NIPSNAP2: variants seen among roughly 807,000 people sequenced by gnomAD.
NIPSNAP2 encodes the protein protein NipSnap homolog 2.
NIPSNAP2 carries 42 observed loss-of-function variants against 48.4 expected under a neutral mutation model. The ratio of observed to expected loss-of-function variants is 0.87; its 90% CI spans 0.68 to 1.12. NIPSNAP2 has a LOEUF of 1.12. Ranked by LOEUF, NIPSNAP2 falls within the 50% of genes most tolerant of loss-of-function variation. The pLI, the probability that NIPSNAP2 is intolerant of heterozygous loss-of-function variation, is 0.00. For missense variants in NIPSNAP2, 314 were observed against 347.3 expected, an observed-to-expected ratio of 0.90 and a Z score of 0.76; for synonymous variants, 158 against 126.6, an observed-to-expected ratio of 1.25 and a Z score of -1.67.
intron 1 of NIPSNAP2, among the ~76,000 whole-genome samples, chr7:55,969,937 C>T (rs1786983301): frequency 6.7e-6 from 1 of 150,108 alleles, no homozygotes; most frequent in Non-Finnish European, 1.5e-5. Context: ...GAGCCGAGAT[C>T]CCACCACTGC....
intron 5 of NIPSNAP2, among the ~76,000 whole-genome samples, chr7:55,982,796 T>A (rs1787244502): frequency 6.6e-6 from 1 of 150,674 alleles, no homozygotes; most frequent in Non-Finnish European, 1.5e-5. Context: ...TAAAAGTCAA[T>A]TATGCTTTGA....
intron 1 of NIPSNAP2, among the ~76,000 whole-genome samples, chr7:55,977,473 T>G (rs1322234888): frequency 6.6e-6 from 1 of 152,206 alleles, no homozygotes; most frequent in Non-Finnish European, 1.5e-5. Context: ...TTCCTTGTAT[T>G]TTTAAAATAT....
At chr7:55,990,521 G>A (rs986263005) in intron 7 of NIPSNAP2, among the ~76,000 whole-genome samples, 2 of 152,056 alleles carry the variant, frequency 1.3e-5, no homozygotes, top group African/African-American at 2.4e-5. Context: ...ATGAGCCACC[G>A]TGCCTAGCCT....
intron 3 of NIPSNAP2, chr7:55,980,190 C>T (rs571595676): frequency 4.9e-4 from 95 of 194,004 alleles, no homozygotes; most frequent in Non-Finnish European, 4.3e-4. Context: ...TCATGAGTCA[C>T]GCATCAGATA....
intron 7 of NIPSNAP2, among the ~76,000 whole-genome samples, chr7:55,985,177 T>C (rs1328903620): frequency 6.6e-6 from 1 of 152,204 alleles, no homozygotes; most frequent in Non-Finnish European, 1.5e-5. Context: ...TTCTATTTCA[T>C]TCATAAATAT....
At chr7:55,978,052 A>T in intron 1 of NIPSNAP2, 74 bp from the exon 2 acceptor site, 1 of 1,541,318 alleles carries the variant, frequency 6.5e-7, no homozygotes, top group Non-Finnish European at 8.8e-7. Flanking sequence ...ATAGCTGCTC[A>T]CTGTGTTTGC....
intron 7 of NIPSNAP2, among the ~76,000 whole-genome samples, chr7:55,992,565 C>G (rs1233885599): frequency 3.3e-5 from 5 of 152,104 alleles, no homozygotes; most frequent in African/African-American, 1.2e-4. Flanking sequence ...TGTTATCATT[C>G]AGTATATATG....
intron 1 of NIPSNAP2, among the ~76,000 whole-genome samples, chr7:55,975,003 C>G (rs2116339148): frequency 6.6e-6 from 1 of 152,052 alleles, no homozygotes; most frequent in Admixed American, 6.6e-5. Flanking sequence ...CCTTTGGAAT[C>G]CCAGTACATT....
rs141002465 is a variant in NIPSNAP2, at chr7:55,990,118, A to T, written c.618-4776A>T. On this transcript the variant is annotated intron_variant, in intron 7 of 9. Coordinates refer to ENST00000322090, the MANE Select transcript of NIPSNAP2 (RefSeq NM_001483.3). ...ATATATAATTTTGAAACATTGGGAT[A>T]GTTTCCTAAAATAATCTGAAGCATA... Among the ~76,000 whole-genome samples, 794 of 152,208 alleles carry T rather than the reference A, an allele frequency of 5.2e-3. 10 individuals carry two copies. Among genetic ancestry groups the T allele is most frequent in the African/African-American group, 0.018 (728 of 41,552 alleles).
chr7:55,995,750 C>A (rs1787549621), intron 8 of NIPSNAP2, among the ~76,000 whole-genome samples: 1 of 152,140 alleles, frequency 6.6e-6, no homozygotes, highest in African/African-American at 2.4e-5. Context: ...GATGCAGGAT[C>A]CTGGAATGGC....
intron 1 of NIPSNAP2, among the ~76,000 whole-genome samples, chr7:55,970,620 T>G (rs555735397): frequency 6.6e-6 from 1 of 152,082 alleles, no homozygotes; most frequent in Non-Finnish European, 1.5e-5. Context: ...CCGACACTTA[T>G]ATTTTTTTTG....
In NIPSNAP2 at chr7:55,971,768, G is replaced by A. The variant is rs931320835; in HGVS notation, c.93-6358G>A. On this transcript the variant is annotated intron_variant, in intron 1 of 9. Transcript: ENST00000322090. ...TCCTTTATCAGTGAAAATATTATCT[G>A]TCTATAAATATACATAATATATGTT... Among the ~76,000 whole-genome samples, 7 of 152,096 alleles carry A rather than the reference G, an allele frequency of 4.6e-5. No individual in the cohort carries two copies. In the East Asian group the frequency reaches 1.4e-3, roughly 29 times the overall value.
chr7:55,988,760 G>C (rs1369809063), intron 7 of NIPSNAP2, among the ~76,000 whole-genome samples: 1 of 152,042 alleles, frequency 6.6e-6, no homozygotes, highest in African/African-American at 2.4e-5. Context: ...AGCTACTCAG[G>C]AGGCTGAGGC....
intron 7 of NIPSNAP2, among the ~76,000 whole-genome samples, chr7:55,993,244 A>C (rs1039690465): frequency 6.6e-6 from 1 of 151,578 alleles, no homozygotes; most frequent in Admixed American, 6.6e-5. Context: ...GGTTGCAGTG[A>C]GCCGAGATCC....
Position 55,967,865 on chromosome 7 carries a change from G to T in NIPSNAP2, c.92+3164G>T, listed in dbSNP as rs368760664. On this transcript the variant is annotated intron_variant, in intron 1 of 9. Coordinates refer to ENST00000322090, the MANE Select transcript of NIPSNAP2 (RefSeq NM_001483.3). The stretch of plus-strand genomic sequence containing the variant: ...GGGTTTCTCCATGTTGCCCAGGCTG[G>T]TCTCAAACTCCTGGCCTCAAGTGAT... 3.3e-5 allele frequency among the ~76,000 whole-genome samples: 5 copies of T among 152,046 alleles called. No individual in the cohort carries two copies. In the East Asian group the frequency reaches 7.7e-4, roughly 24 times the overall value.
intron 7 of NIPSNAP2, among the ~76,000 whole-genome samples, chr7:55,987,620 T>C (rs1787358704): frequency 6.6e-6 from 1 of 152,132 alleles, no homozygotes; most frequent in African/African-American, 2.4e-5. Context: ...GAGCGAGACT[T>C]CATCCCCCGC....
At chr7:55,997,202 C>T (rs1380836138) in intron 8 of NIPSNAP2, among the ~76,000 whole-genome samples, 164 bp from the exon 9 acceptor site, 1 of 151,454 alleles carries the variant, frequency 6.6e-6, no homozygotes, top group Admixed American at 6.6e-5. Flanking sequence ...TCCCACGTGG[C>T]CTAATATAAT....
intron 5 of NIPSNAP2, among the ~76,000 whole-genome samples, chr7:55,983,135 CA>C (rs139890754): frequency 1.3e-5 from 2 of 151,574 alleles, no homozygotes; most frequent in East Asian, 1.9e-4. Context: ...AAAAACAACA[CA>C]AAAAAAACCC....
chr7:55,991,128 T>C (rs1270563963), intron 7 of NIPSNAP2, among the ~76,000 whole-genome samples: 1 of 152,202 alleles, frequency 6.6e-6, no homozygotes, highest in Non-Finnish European at 1.5e-5. Context: ...AATTTCCTGC[T>C]GTGCATGAAA....
Sources: gnomAD v4.1 joint callset for allele counts (sites outside exome capture counted in the v4.1 genomes callset) on GRCh38, gnomAD v4.1.1 for gene constraint, MANE v1.5 for transcripts, NCBI Gene and HGNC (gene_info 2026-07-23, HGNC 2026-07-21) for gene names.